The following CAMK1D variants were observed in gnomAD, a reference collection of about 807,000 sequenced individuals.
The protein encoded by CAMK1D is calcium/calmodulin-dependent protein kinase type 1D.
A neutral mutation model predicts 47.7 loss-of-function variants in CAMK1D; 9 were observed. The ratio of observed to expected loss-of-function variants is 0.19; its 90% CI spans 0.11 to 0.33. CAMK1D has a LOEUF of 0.33. Among genes scored for constraint, CAMK1D ranks in the 10% least tolerant of loss-of-function variants. CAMK1D has a pLI of 1.00. For missense variants in CAMK1D, 291 were observed against 488.7 expected, an observed-to-expected ratio of 0.60 and a Z score of 3.81; for synonymous variants, 184 against 184.9, an observed-to-expected ratio of 0.99 and a Z score of 0.04.
Position 12,739,133 on chromosome 10 carries a change from A to G in CAMK1D, c.300-21815A>G, listed in dbSNP as rs114125891. On this transcript the variant is annotated intron_variant, in intron 3 of 10. Transcript: ENST00000619168. The stretch of plus-strand genomic sequence containing the variant: ...GTACTTGTGGTCTCAGCTACTCAGG[A>G]GGTTGAGGCAGGAGGATCGCTTAAG... 5.7e-3 allele frequency among the ~76,000 whole-genome samples: 870 copies of G among 152,150 alleles called. 12 individuals are homozygous for G. Among genetic ancestry groups the G allele is most frequent in the African/African-American group, 0.02 (813 of 41,508 alleles).
chr10:12,394,128 T>C (rs1838850472), intron 1 of CAMK1D, among the ~76,000 whole-genome samples: 1 of 152,216 alleles, frequency 6.6e-6, no homozygotes, highest in South Asian at 2.1e-4. Flanking sequence ...CGATAATGGC[T>C]CACAGAATCT....
At chr10:12,632,783 CT>C (rs1413264236) in intron 2 of CAMK1D, among the ~76,000 whole-genome samples, 1 of 152,136 alleles carries the variant, frequency 6.6e-6, no homozygotes, top group East Asian at 1.9e-4. Flanking sequence ...CAACCTCCAA[CT>C]CCCTGGTTCA....
rs145154003 is a variant in CAMK1D at position 12,357,960 on chromosome 10, G to A, written c.92+8050G>A. ...CAAAGGTCACCTCCAAATACATGCC[G>A]TAGGTCAAGTTCATTCCGCCACAGA... On this transcript the variant is annotated intron_variant, in intron 1 of 10. Transcript: ENST00000619168. Among the ~76,000 whole-genome samples the A allele has an allele frequency of 6.0e-3, 909 of 152,122 alleles. 9 individuals are homozygous for A. The highest frequency in any genetic ancestry group is 0.02 in the African/African-American group (849 of 41,496).
rs1205140483 is a variant in CAMK1D at position 12,830,803 on chromosome 10, A to T, written c.*1916A>T. On this transcript the variant is annotated 3_prime_UTR_variant, in exon 11 of 11. Coordinates refer to ENST00000619168, the MANE Select transcript of CAMK1D (RefSeq NM_153498.4). ...CAGTAACGCTGCTGGCTGTGTCCTC[A>T]TGCCCTCTTCCTCTGGCTGGCCAGT... 1 of 152,650 alleles carries T rather than the reference A, an allele frequency of 6.6e-6. No homozygotes were observed. The highest frequency in any genetic ancestry group is 1.9e-4 in the East Asian group (1 of 5,182). The allele number at this position is 152,650 out of a possible 1,614,324, so 9.5% of individuals were successfully genotyped here.
intron 3 of CAMK1D, among the ~76,000 whole-genome samples, chr10:12,758,093 C>G (rs566989581): frequency 1.3e-5 from 2 of 151,938 alleles, no homozygotes; most frequent in Non-Finnish European, 2.9e-5. Flanking sequence ...TCAGGTGATC[C>G]GCCTCCTTGG....
intron 1 of CAMK1D, among the ~76,000 whole-genome samples, chr10:12,408,319 G>A (rs756165822): frequency 5.3e-5 from 8 of 151,652 alleles, no homozygotes; most frequent in South Asian, 4.2e-4. Flanking sequence ...CCGCTACCTC[G>A]CCCGGCTAAT....
At chr10:12,515,272 A>G (rs910756244) in intron 1 of CAMK1D, among the ~76,000 whole-genome samples, 4 of 151,840 alleles carry the variant, frequency 2.6e-5, no homozygotes, top group East Asian at 1.9e-4. Flanking sequence ...CACCACCACA[A>G]TCGGATACAG....
chr10:12,627,388 G>A (rs1296483488), intron 2 of CAMK1D, among the ~76,000 whole-genome samples: 6 of 151,954 alleles, frequency 3.9e-5, no homozygotes, highest in Admixed American at 3.9e-4. Context: ...CCTGGCATAT[G>A]GGTTATAATT....
At chr10:12,640,536 C>T (rs1320595993) in intron 2 of CAMK1D, among the ~76,000 whole-genome samples, 1 of 152,152 alleles carries the variant, frequency 6.6e-6, no homozygotes, top group Non-Finnish European at 1.5e-5. Context: ...GAACAAATAA[C>T]AGCTATGAAA....
At chr10:12,825,515 A>C (rs1245176377) in intron 9 of CAMK1D, 58 bp from the exon 10 acceptor site, 1 of 1,515,792 alleles carries the variant, frequency 6.6e-7, no homozygotes, top group Non-Finnish European at 9.0e-7. Context: ...GAACACAGTT[A>C]GAGTCTTTTC....
intron 2 of CAMK1D, among the ~76,000 whole-genome samples, chr10:12,648,333 A>G: frequency 6.6e-6 from 1 of 152,114 alleles, no homozygotes; most frequent in East Asian, 1.9e-4. Context: ...CCCCCTGCCT[A>G]GCGATGGCGT....
At chr10:12,403,184 C>T (rs1300033970) in intron 1 of CAMK1D, among the ~76,000 whole-genome samples, 2 of 152,328 alleles carry the variant, frequency 1.3e-5, no homozygotes, top group Admixed American at 6.5e-5. Context: ...CCACGTTGGA[C>T]ACGTGAAGCC....
At chr10:12,802,727 G>A (rs539098158) in intron 6 of CAMK1D, among the ~76,000 whole-genome samples, 37 of 152,246 alleles carry the variant, frequency 2.4e-4, no homozygotes, top group Admixed American at 1.9e-3. Flanking sequence ...TCACCATGTT[G>A]GCCAGGCTGG....
chr10:12,414,390 A>C (rs1839773574), intron 1 of CAMK1D, among the ~76,000 whole-genome samples: 1 of 152,296 alleles, frequency 6.6e-6, no homozygotes, highest in East Asian at 1.9e-4. Context: ...TTCATCTTTG[A>C]AATTATCTTT....
chr10:12,428,505 C>A (rs1389552604), intron 1 of CAMK1D, among the ~76,000 whole-genome samples: 1 of 152,180 alleles, frequency 6.6e-6, no homozygotes. Flanking sequence ...GTCTGAGACA[C>A]CACCTTCTCT....
At chr10:12,659,889 CG>C (rs906270074) in intron 2 of CAMK1D, among the ~76,000 whole-genome samples, 48 of 152,168 alleles carry the variant, frequency 3.2e-4, no homozygotes, top group African/African-American at 1.1e-3. Context: ...ACTGTAAACC[CG>C]GAAGTGCCTG....
At chr10:12,572,050 A>G (rs948378165) in intron 2 of CAMK1D, among the ~76,000 whole-genome samples, 1 of 139,968 alleles carries the variant, frequency 7.1e-6, no homozygotes, top group African/African-American at 2.9e-5. Context: ...CCCCCCCCCA[A>G]AAAAAAAGTT....
chr10:12,576,764 G>A (rs1435100430), intron 2 of CAMK1D, among the ~76,000 whole-genome samples: 3 of 152,176 alleles, frequency 2.0e-5, no homozygotes, highest in African/African-American at 7.2e-5. Flanking sequence ...CCTGGTGTGC[G>A]GCCCGGTTCC....
At chr10:12,602,252 A>T (rs1298703470) in intron 2 of CAMK1D, among the ~76,000 whole-genome samples, 1 of 152,176 alleles carries the variant, frequency 6.6e-6, no homozygotes, top group Non-Finnish European at 1.5e-5. Flanking sequence ...TTTTGTAGAG[A>T]CAGGGTCTCA....
Sources: allele counts gnomAD v4.1 joint callset (sites outside exome capture counted in the v4.1 genomes callset), GRCh38; gene constraint gnomAD v4.1.1; transcripts MANE v1.5; gene names NCBI Gene and HGNC (gene_info 2026-07-23, HGNC 2026-07-21).